CACNB4: variants seen among roughly 807,000 people sequenced by gnomAD.
CACNB4 encodes voltage-dependent L-type calcium channel subunit beta-4.
CACNB4 carries 32 observed loss-of-function variants against 71.2 expected under a neutral mutation model. That is an observed-to-expected ratio of 0.45 (90% confidence interval 0.34 to 0.60). CACNB4 has a LOEUF of 0.60. Among genes scored for constraint, CACNB4 ranks in the 20% least tolerant of loss-of-function variants. The pLI, the probability that CACNB4 is intolerant of heterozygous loss-of-function variation, is 0.01. For missense variants in CACNB4, 464 were observed against 647.9 expected, an observed-to-expected ratio of 0.72 and a Z score of 3.08; for synonymous variants, 231 against 236.9, an observed-to-expected ratio of 0.97 and a Z score of 0.23.
At chr2:152,031,106 ACTTC>A (rs1316852379) in intron 2 of CACNB4, among the ~76,000 whole-genome samples, 1 of 152,158 alleles carries the variant, frequency 6.6e-6, no homozygotes, top group Non-Finnish European at 1.5e-5. Context: ...TTACAGAGAA[ACTTC>A]CTTCCAGAAA....
chr2:151,931,789 C>T (rs11895837), intron 2 of CACNB4, among the ~76,000 whole-genome samples: 33,978 of 152,052 alleles, frequency 0.22, 3,929 homozygotes, highest in Middle Eastern at 0.42. Flanking sequence ...TGAGTTCTAC[C>T]TCTTCTCAAC....
At chr2:152,032,031 A>T (rs1684310899) in intron 2 of CACNB4, among the ~76,000 whole-genome samples, 1 of 152,102 alleles carries the variant, frequency 6.6e-6, no homozygotes, top group Non-Finnish European at 1.5e-5. Flanking sequence ...AGAGCAACAG[A>T]GCCTTGATGA....
At chr2:152,060,935 C>T (rs935959150) in intron 2 of CACNB4, among the ~76,000 whole-genome samples, 3 of 152,022 alleles carry the variant, frequency 2.0e-5, no homozygotes, top group Non-Finnish European at 2.9e-5. Flanking sequence ...ATAGCAGTTG[C>T]CATATTATAG....
At position 152,081,409 on chromosome 2, in the gene CACNB4, T is replaced by C. The variant is rs1211854527; in HGVS notation, c.147+16921A>G. ...CGTGCATGCCTGTAATCCTAGCTAC[T>C]TTGGAGGCTGAGGTGGGAGGATTAC... On this transcript the variant is annotated intron_variant, in intron 2 of 13. Transcript: ENST00000539935. 2.6e-5 allele frequency among the ~76,000 whole-genome samples: 4 copies of C among 152,218 alleles called. No individual in the cohort carries two copies. The East Asian group carries it at 7.7e-4, about 29-fold the overall frequency.
intron 2 of CACNB4, among the ~76,000 whole-genome samples, chr2:151,996,142 G>T (rs1682029610): frequency 6.6e-6 from 1 of 152,178 alleles, no homozygotes; most frequent in Admixed American, 6.5e-5. Flanking sequence ...ATAGATACTA[G>T]TATGAAATTT....
chr2:151,919,046 A>G (rs1468529279), intron 2 of CACNB4, among the ~76,000 whole-genome samples: 1 of 152,130 alleles, frequency 6.6e-6, no homozygotes, highest in Non-Finnish European at 1.5e-5. Context: ...CCACAGGGGT[A>G]AGTTCTCTTT....
At chr2:151,915,957 T>C (rs935080223) in intron 2 of CACNB4, among the ~76,000 whole-genome samples, 42 of 84,696 alleles carry the variant, frequency 5.0e-4, no homozygotes, top group Middle Eastern at 6.4e-3. Context: ...TCTGGGGGGA[T>C]AGTGCGCTCA....
At position 152,052,302 on chromosome 2, in the gene CACNB4, ATC is replaced by A. The variant is rs143007295; in HGVS notation, c.147+46026_147+46027del. 1.1e-3 allele frequency among the ~76,000 whole-genome samples: 172 copies of A among 152,298 alleles called. 1 individual carries two copies. The East Asian group carries it at 0.03, about 26-fold the overall frequency. Reference sequence around the variant, plus strand: ...AAGTGAAAATCAGATTATTCACATTATCTCTTTTTGTTTTTTGAGACAGAGTC... The same window carrying A: ...AAGTGAAAATCAGATTATTCACATTATCTTTTTGTTTTTTGAGACAGAGTC... On this transcript the variant is annotated intron_variant, in intron 2 of 13. Transcript: ENST00000539935.
At position 151,974,388 on chromosome 2, in the gene CACNB4, G is replaced by A. The variant is rs190629171; in HGVS notation, c.148-91018C>T. On this transcript the variant is annotated intron_variant, in intron 2 of 13. Transcript: ENST00000539935. ...TTACACCCAATGTGAAGAAAAAAATGACTAGAATAAACAGATGGTAAGATT... is the reference window on the plus strand; with the variant it reads ...TTACACCCAATGTGAAGAAAAAAATAACTAGAATAAACAGATGGTAAGATT... Among the ~76,000 whole-genome samples, 52 of 152,232 alleles carry A rather than the reference G, an allele frequency of 3.4e-4. No individual in the cohort carries two copies. The East Asian group carries it at 9.7e-3, about 28-fold the overall frequency.
At chr2:151,929,419 A>T (rs1024865410) in intron 2 of CACNB4, among the ~76,000 whole-genome samples, 1 of 152,196 alleles carries the variant, frequency 6.6e-6, no homozygotes. Flanking sequence ...CCTCATTTTT[A>T]AAAAACTCTG....
chr2:152,038,005 C>A (rs1684683546), intron 2 of CACNB4, among the ~76,000 whole-genome samples: 1 of 152,176 alleles, frequency 6.6e-6, no homozygotes, highest in African/African-American at 2.4e-5. Context: ...AAACGCAGGG[C>A]CCAGGGAATC....
At chr2:152,070,960 T>C (rs551981724) in intron 2 of CACNB4, among the ~76,000 whole-genome samples, 1 of 152,270 alleles carries the variant, frequency 6.6e-6, no homozygotes, top group Non-Finnish European at 1.5e-5. Context: ...AGAAACAGGG[T>C]TTCGCCATGT....
At chr2:152,042,811 T>TC (rs1187983132) in intron 2 of CACNB4, among the ~76,000 whole-genome samples, 4 of 152,028 alleles carry the variant, frequency 2.6e-5, no homozygotes, top group Non-Finnish European at 4.4e-5. Context: ...GATTAAGGCA[T>TC]TCTTAGTTAC....
intron 2 of CACNB4, among the ~76,000 whole-genome samples, chr2:152,089,818 T>C (rs1202301611): frequency 6.6e-6 from 1 of 151,394 alleles, no homozygotes; most frequent in Non-Finnish European, 1.5e-5. Context: ...AGTGCACACC[T>C]GTAGTCCCAG....
intron 2 of CACNB4, among the ~76,000 whole-genome samples, chr2:152,072,360 C>G (rs1030769225): frequency 1.3e-5 from 2 of 152,170 alleles, no homozygotes. Context: ...TCCAACGTGG[C>G]TAGGGGAGCT....
chr2:151,923,919 C>T (rs78463239), intron 2 of CACNB4, among the ~76,000 whole-genome samples: 3 of 152,150 alleles, frequency 2.0e-5, no homozygotes, highest in South Asian at 2.1e-4. Flanking sequence ...CAGTATAATT[C>T]GGTAATTTCT....
intron 2 of CACNB4, among the ~76,000 whole-genome samples, chr2:151,888,154 A>G (rs987035295): frequency 4.6e-5 from 7 of 152,168 alleles, no homozygotes; most frequent in African/African-American, 1.7e-4. Flanking sequence ...CTACTTACTT[A>G]CCTTGTCCTT....
At chr2:151,846,428 C>G (rs2099837586) in intron 12 of CACNB4, among the ~76,000 whole-genome samples, 1 of 152,062 alleles carries the variant, frequency 6.6e-6, no homozygotes, top group African/African-American at 2.4e-5. Context: ...CTCATTAAAA[C>G]TAATGCATAT....
intron 2 of CACNB4, among the ~76,000 whole-genome samples, chr2:151,989,786 G>C (rs1681588633): frequency 6.6e-6 from 1 of 152,112 alleles, no homozygotes; most frequent in African/African-American, 2.4e-5. Flanking sequence ...ATGTGCAATA[G>C]TGAACTCACC....
Sources: gnomAD v4.1 joint callset for allele counts (sites outside exome capture counted in the v4.1 genomes callset) on GRCh38, gnomAD v4.1.1 for gene constraint, MANE v1.5 for transcripts, NCBI Gene and HGNC (gene_info 2026-07-23, HGNC 2026-07-21) for gene names.